The following RNF217 variants were observed in gnomAD, a reference collection of about 807,000 sequenced individuals.
The protein encoded by RNF217 is ring finger protein 217.
Under a neutral mutation model 57.8 loss-of-function variants are expected in RNF217, and 31 were observed. That is an observed-to-expected ratio of 0.54 (90% CI 0.40 to 0.72). The LOEUF (loss-of-function observed/expected upper bound fraction) is 0.72, where lower values mean the gene tolerates loss of function less well. Ranked by LOEUF, RNF217 falls within the 30% of genes least tolerant of loss-of-function variation. The pLI, the probability that RNF217 is intolerant of heterozygous loss-of-function variation, is 0.00. For synonymous variants in RNF217, 313 were observed against 294.0 expected (o/e 1.06, Z -0.66); for missense variants, 696 against 708.3 (o/e 0.98, Z 0.20).
chr6:124,990,708 A>C (rs993517276), intron 1 of RNF217, among the ~76,000 whole-genome samples: 1 of 152,172 alleles, frequency 6.6e-6, no homozygotes, highest in African/African-American at 2.4e-5. Flanking sequence ...CATTCTCACC[A>C]GGAATCTAGC....
intron 1 of RNF217, among the ~76,000 whole-genome samples, chr6:125,031,926 A>C (rs1786379026): frequency 6.6e-6 from 1 of 152,192 alleles, no homozygotes; most frequent in African/African-American, 2.4e-5. Context: ...AAAGAGGTTT[A>C]ATTGGACTTA....
chr6:125,076,918 T>C, intron 4 of RNF217, 60 bp downstream of exon 4: 4 of 1,434,912 alleles, frequency 2.8e-6, no homozygotes, highest in Non-Finnish European at 3.9e-6. Context: ...AAAATAGAAC[T>C]TGGAAATGTG....
chr6:125,045,523 T>A, intron 2 of RNF217, 79 bp downstream of exon 2: 1 of 991,034 alleles, frequency 1.0e-6, no homozygotes. Flanking sequence ...TCGTGGGCAT[T>A]AAGGGGGCAT....
chr6:125,019,417 T>A (rs906954396), intron 1 of RNF217, among the ~76,000 whole-genome samples: 2 of 152,198 alleles, frequency 1.3e-5, no homozygotes, highest in South Asian at 4.1e-4. Flanking sequence ...TACAGTTTTT[T>A]GTTAATTAAT....
chr6:124,975,109 C>T (rs1394500901), intron 1 of RNF217, among the ~76,000 whole-genome samples: 1 of 152,168 alleles, frequency 6.6e-6, no homozygotes. Context: ...TATAGGCTAC[C>T]TGGCAAATTG....
intron 1 of RNF217, among the ~76,000 whole-genome samples, chr6:124,965,115 G>A (rs1340645869): frequency 6.6e-6 from 1 of 152,138 alleles, no homozygotes; most frequent in Non-Finnish European, 1.5e-5. Context: ...AATGGTAGTA[G>A]GGAGACAGAG....
chr6:124,962,636 C>G lies in RNF217; in HGVS notation c.92C>G (p.Pro31Arg), dbSNP rs1176626480. The G allele has an allele frequency of 5.3e-6, 7 of 1,324,938 alleles. No homozygotes were observed. The African/African-American group carries it at 1.1e-4, about 21-fold the overall frequency. The allele number at this position is 1,324,938 out of a possible 1,614,324, so 82.1% of individuals were successfully genotyped here. The change falls in exon 1 of 6, where the codon CCG becomes CGG. Residue 31 changes from proline (P) to arginine (R), a missense_variant. Coordinates refer to ENST00000521654, the MANE Select transcript of RNF217 (RefSeq NM_001286398.3). The surrounding 1 kb of genome is among the most constrained non-coding windows in gnomAD (Gnocchi z 4.6). Reference protein sequence around the residue: ...ASGTAGHPEPPRPQGDSARAP... With the variant: ...ASGTAGHPEPRRPQGDSARAP... ...GGCACTGCGGGCCACCCTGAGCCCC[C>G]GAGGCCTCAGGGGGACAGCGCCCGG...
rs574155995 is a variant in RNF217, at chr6:124,998,548, G to A, written c.882+35122G>A. On this transcript the variant is annotated intron_variant, in intron 1 of 5. Transcript: ENST00000521654. ...GGTGCCGTGGCTCAAACCTGTAGTCGCAACACTTTGGGAGGCCAAGGTGGG... is the reference window on the plus strand; with the variant it reads ...GGTGCCGTGGCTCAAACCTGTAGTCACAACACTTTGGGAGGCCAAGGTGGG... Among the ~76,000 whole-genome samples the A allele has an allele frequency of 2.3e-3, 351 of 152,188 alleles. 1 individual carries two copies. The highest frequency in any genetic ancestry group is 7.6e-3 in the African/African-American group (315 of 41,526).
chr6:125,025,976 T>G (rs1786066529), intron 1 of RNF217, among the ~76,000 whole-genome samples: 1 of 152,034 alleles, frequency 6.6e-6, no homozygotes, highest in African/African-American at 2.4e-5. Flanking sequence ...AAATGGTTCA[T>G]GGGTAAGAAA....
chr6:124,966,844 A>G (rs963519799), intron 1 of RNF217, among the ~76,000 whole-genome samples: 1 of 152,264 alleles, frequency 6.6e-6, no homozygotes, highest in Non-Finnish European at 1.5e-5. Context: ...CAATATTTCA[A>G]TATAGACATA....
In RNF217 at chr6:124,963,075, C is replaced by G. The variant is rs375186638; in HGVS notation, c.531C>G (p.Pro177=). 5.1e-6 allele frequency: 8 copies of G among 1,556,962 alleles called. No individual in the cohort carries two copies. Among genetic ancestry groups the G allele is most frequent in the Non-Finnish European group, 6.9e-6 (8 of 1,159,226 alleles). ...YCVESDLPEA[P]ASEQLSPPAS... ...TGGAGAGCGACCTGCCCGAGGCCCC[C>G]GCCTCGGAGCAGCTCTCGCCGCCCG... The change falls in exon 1 of 6, where the codon CCC becomes CCG. Residue 177 remains proline, a synonymous_variant. Coordinates refer to ENST00000521654, the MANE Select transcript of RNF217 (RefSeq NM_001286398.3).
At chr6:125,042,980 C>G (rs1786944883) in intron 1 of RNF217, among the ~76,000 whole-genome samples, 1 of 152,052 alleles carries the variant, frequency 6.6e-6, no homozygotes, top group Non-Finnish European at 1.5e-5. Context: ...TTTCTGTGGA[C>G]TTGAAAGAAA....
intron 1 of RNF217, among the ~76,000 whole-genome samples, chr6:124,987,975 A>G (rs1415779213): frequency 2.6e-5 from 4 of 152,140 alleles, no homozygotes; most frequent in South Asian, 2.1e-4. Flanking sequence ...AGTGTCCCCA[A>G]TCCAGGGATC....
intron 1 of RNF217, chr6:125,009,221 C>A: frequency 6.2e-7 from 1 of 1,602,812 alleles, no homozygotes; most frequent in Non-Finnish European, 8.5e-7. Context: ...AGAATCAAAG[C>A]TGTTGTATAA....
intron 1 of RNF217, among the ~76,000 whole-genome samples, chr6:124,983,101 A>G (rs1290715328): frequency 1.3e-5 from 2 of 152,204 alleles, no homozygotes; most frequent in Non-Finnish European, 2.9e-5. Context: ...CCACAAATAG[A>G]GGTTCTTAAC....
intron 1 of RNF217, among the ~76,000 whole-genome samples, chr6:125,029,395 C>G (rs1277721826): frequency 3.3e-5 from 5 of 152,140 alleles, no homozygotes; most frequent in African/African-American, 1.2e-4. Flanking sequence ...CACTAAACAG[C>G]ATTTTATATT....
chr6:125,075,508 C>T (rs1005377216), intron 3 of RNF217, among the ~76,000 whole-genome samples: 3 of 152,090 alleles, frequency 2.0e-5, no homozygotes, highest in African/African-American at 7.2e-5. Context: ...AAATGCCAGA[C>T]GCTTACAAAA....
At chr6:124,985,232 G>T (rs1299953327) in intron 1 of RNF217, among the ~76,000 whole-genome samples, 10 of 152,214 alleles carry the variant, frequency 6.6e-5, no homozygotes, top group Non-Finnish European at 1.0e-4. Context: ...TCCTGCACTT[G>T]TGTAAGATGT....
intron 3 of RNF217, among the ~76,000 whole-genome samples, chr6:125,065,829 T>G (rs1423567013): frequency 6.6e-6 from 1 of 152,190 alleles, no homozygotes; most frequent in Non-Finnish European, 1.5e-5. Flanking sequence ...GTTGGCTCAG[T>G]CGGTAGGCAA....
Sources: allele counts gnomAD v4.1 joint callset (sites outside exome capture counted in the v4.1 genomes callset), GRCh38; gene constraint gnomAD v4.1.1; non-coding constraint Gnocchi (gnomAD v3.1); transcripts MANE v1.5; gene names NCBI Gene and HGNC (gene_info 2026-07-23, HGNC 2026-07-21).